CDH12: variants seen among roughly 807,000 people sequenced by gnomAD.
CDH12 encodes the protein cadherin 12, also known as cadherin-12.
A neutral mutation model predicts 74.1 loss-of-function variants in CDH12; 41 were observed. That is an observed-to-expected ratio of 0.55 (90% CI 0.43 to 0.72). The LOEUF (loss-of-function observed/expected upper bound fraction) is 0.72, where lower values mean the gene tolerates loss of function less well. CDH12 is among the 30% of genes least tolerant of loss of function. CDH12 has a pLI of 0.00. For missense variants in CDH12, 945 were observed against 977.2 expected, an observed-to-expected ratio of 0.97 and a Z score of 0.44; for synonymous variants, 399 against 355.0, an observed-to-expected ratio of 1.12 and a Z score of -1.39.
intron 1 of CDH12, among the ~76,000 whole-genome samples, chr5:22,797,301 G>C (rs1661986): frequency 6.6e-6 from 1 of 151,356 alleles, no homozygotes; most frequent in Admixed American, 6.6e-5. Context: ...TCAGACACCA[G>C]AGCTGACAGC....
At chr5:21,770,931 G>A (rs1431737035) in intron 11 of CDH12, among the ~76,000 whole-genome samples, 1 of 152,108 alleles carries the variant, frequency 6.6e-6, no homozygotes, top group East Asian at 1.9e-4. Context: ...GGAGCTGGAG[G>A]CCATTATCCT....
In CDH12 at chr5:22,502,020, A is replaced by T. The variant is rs1202909330; in HGVS notation, c.-428+3250T>A. Among the ~76,000 whole-genome samples the T allele has an allele frequency of 2.0e-5, 3 of 152,086 alleles. No individual in the cohort carries two copies. The East Asian group carries it at 5.8e-4, about 29-fold the overall frequency. ...TTTGTTTGCCTCTGTGTCAGTGAAAAGCTCACTTCCAAAACTTTCCATTTG... is the reference window on the plus strand; with the variant it reads ...TTTGTTTGCCTCTGTGTCAGTGAAATGCTCACTTCCAAAACTTTCCATTTG... On this transcript the variant is annotated intron_variant, in intron 2 of 14. Transcript: ENST00000382254.
At chr5:22,489,514 A>G (rs1204714086) in intron 2 of CDH12, among the ~76,000 whole-genome samples, 1 of 152,058 alleles carries the variant, frequency 6.6e-6, no homozygotes, top group South Asian at 2.1e-4. Flanking sequence ...TGTTGGCATG[A>G]TTTCAGTCGC....
chr5:22,675,519 C>T (rs1291900895), intron 1 of CDH12, among the ~76,000 whole-genome samples: 2 of 152,152 alleles, frequency 1.3e-5, no homozygotes, highest in Non-Finnish European at 2.9e-5. Flanking sequence ...CTTGCCTTGT[C>T]TCAGATGAGA....
At chr5:22,069,349 C>A (rs934421716) in intron 5 of CDH12, among the ~76,000 whole-genome samples, 2 of 152,086 alleles carry the variant, frequency 1.3e-5, no homozygotes, top group African/African-American at 4.8e-5. Context: ...AGGGCTGGGG[C>A]AAGGGGGTCT....
chr5:22,689,822 G>T (rs1256450547), intron 1 of CDH12, among the ~76,000 whole-genome samples: 2 of 152,006 alleles, frequency 1.3e-5, no homozygotes, highest in Non-Finnish European at 2.9e-5. Context: ...TTGTGATCTT[G>T]ACACAATATG....
intron 12 of CDH12, among the ~76,000 whole-genome samples, chr5:21,763,949 G>A (rs1472281530): frequency 1.3e-5 from 2 of 152,152 alleles, no homozygotes; most frequent in Non-Finnish European, 2.9e-5. Context: ...GGGAAGCTTT[G>A]CATTTTCAAG....
intron 4 of CDH12, among the ~76,000 whole-genome samples, chr5:22,101,186 C>T (rs1355605116): frequency 6.6e-6 from 1 of 151,654 alleles, no homozygotes; most frequent in East Asian, 1.9e-4. Flanking sequence ...CTCATATTAT[C>T]TAGGAACAAT....
chr5:22,004,657 T>C (rs1221273535), intron 5 of CDH12, among the ~76,000 whole-genome samples: 1 of 152,208 alleles, frequency 6.6e-6, no homozygotes, highest in Non-Finnish European at 1.5e-5. Context: ...TCCCACTTTA[T>C]TCTGTATTAC....
intron 10 of CDH12, among the ~76,000 whole-genome samples, chr5:21,800,029 C>T (rs1411206796): frequency 2.6e-5 from 4 of 152,028 alleles, no homozygotes; most frequent in Non-Finnish European, 5.9e-5. Context: ...TGGAGTTTCC[C>T]CTGTTAGGTT....
chr5:21,883,159 T>C, intron 6 of CDH12: 2 of 1,510,832 alleles, frequency 1.3e-6, no homozygotes. Flanking sequence ...TCTGATGCAA[T>C]GAAAAAGGTT....
At chr5:21,899,658 A>G (rs1446872505) in intron 6 of CDH12, among the ~76,000 whole-genome samples, 2 of 151,596 alleles carry the variant, frequency 1.3e-5, no homozygotes, top group South Asian at 2.1e-4. Context: ...CTTGGCAAAG[A>G]TATTTATAAA....
chr5:22,363,132 GAC>G (rs1490268271), intron 3 of CDH12, among the ~76,000 whole-genome samples: 1 of 151,856 alleles, frequency 6.6e-6, no homozygotes, highest in South Asian at 2.1e-4. Context: ...GTGTATATTA[GAC>G]ATATATTTTC....
At chr5:22,108,095 T>C (rs1744593943) in intron 4 of CDH12, among the ~76,000 whole-genome samples, 1 of 152,186 alleles carries the variant, frequency 6.6e-6, no homozygotes, top group East Asian at 1.9e-4. Flanking sequence ...ATTTGAATTG[T>C]AATAATCCCC....
intron 3 of CDH12, among the ~76,000 whole-genome samples, chr5:22,267,761 T>C (rs7445631): frequency 0.97 from 147,714 of 152,116 alleles, 71,856 homozygotes; most frequent in Non-Finnish European, 1. Flanking sequence ...TAGTAAGAAG[T>C]GAAGGCTTTT....
chr5:22,402,996 G>A (rs1301162361), intron 3 of CDH12, among the ~76,000 whole-genome samples: 1 of 152,144 alleles, frequency 6.6e-6, no homozygotes, highest in Non-Finnish European at 1.5e-5. Context: ...GATGTCAAAG[G>A]AATAAATTTT....
At chr5:22,167,303 A>G (rs1748739873) in intron 4 of CDH12, among the ~76,000 whole-genome samples, 1 of 152,218 alleles carries the variant, frequency 6.6e-6, no homozygotes, top group Non-Finnish European at 1.5e-5. Flanking sequence ...AATCAAGTAA[A>G]TCATTCACGA....
At chr5:21,816,366 C>T (rs1005768853) in intron 9 of CDH12, among the ~76,000 whole-genome samples, 3 of 151,964 alleles carry the variant, frequency 2.0e-5, no homozygotes, top group South Asian at 2.1e-4. Flanking sequence ...GTGGCTTACG[C>T]CTATAACCCC....
chr5:21,866,013 A>G (rs191622272), intron 6 of CDH12, among the ~76,000 whole-genome samples: 1 of 152,274 alleles, frequency 6.6e-6, no homozygotes, highest in Admixed American at 6.5e-5. Context: ...AATAAGTTTC[A>G]TGAGATCTGA....
Sources: gnomAD v4.1 joint callset for allele counts (sites outside exome capture counted in the v4.1 genomes callset) on GRCh38, gnomAD v4.1.1 for gene constraint, MANE v1.5 for transcripts, NCBI Gene and HGNC (gene_info 2026-07-23, HGNC 2026-07-21) for gene names.